GTF3C1: variants seen among roughly 807,000 people sequenced by gnomAD.
GTF3C1 encodes general transcription factor 3C polypeptide 1.
Under a neutral mutation model 226.7 loss-of-function variants are expected in GTF3C1, and 57 were observed. The ratio of observed to expected loss-of-function variants is 0.25; its 90% CI spans 0.20 to 0.31. The LOEUF (loss-of-function observed/expected upper bound fraction) is 0.31. GTF3C1 is among the 10% of genes least tolerant of loss of function. The pLI, the probability that GTF3C1 is intolerant of heterozygous loss-of-function variation, is 1.00. For synonymous variants in GTF3C1, 1,090 were observed against 1,084.8 expected (o/e 1.00, Z -0.09); for missense variants, 2,217 against 2,776.1 (o/e 0.80, Z 4.53).
intron 24 of GTF3C1, 62 bp from the exon 25 acceptor site, chr16:27,484,415 T>C (rs1182590003): frequency 1.6e-6 from 2 of 1,229,398 alleles, no homozygotes; most frequent in Non-Finnish European, 2.4e-6. Flanking sequence ...TCATGGGGAA[T>C]TACCATAAAA....
intron 4 of GTF3C1, among the ~76,000 whole-genome samples, chr16:27,536,921 G>A (rs961543213): frequency 5.3e-5 from 8 of 152,200 alleles, no homozygotes; most frequent in African/African-American, 1.7e-4. Context: ...CCCTCATTCC[G>A]ATGCCAGGTA....
Position 27,464,603 on chromosome 16 carries a change from G to C in GTF3C1, c.5589C>G (p.Arg1863=). The change falls in exon 34 of 37, where the codon CGC becomes CGG. Residue 1863 remains arginine (R), a synonymous_variant. Coordinates refer to ENST00000356183, the MANE Select transcript of GTF3C1 (RefSeq NM_001520.4). The part of the protein sequence containing the change: ...PSHSPRGTKR[R]ASWASENGET... Reference sequence around the variant, plus strand: ...CCCCATTCTCACTGGCCCAGCTGGCGCGCCTCTTGGTGCCCCGGGGGCTGT... The same window carrying C: ...CCCCATTCTCACTGGCCCAGCTGGCCCGCCTCTTGGTGCCCCGGGGGCTGT... The C allele has an allele frequency of 6.7e-7, 1 of 1,494,644 alleles. No individual in the cohort carries two copies. The highest frequency in any genetic ancestry group is 8.9e-7 in the Non-Finnish European group (1 of 1,121,854). 92.6% of individuals were successfully genotyped at this position (1,494,644 alleles called of 1,614,324 possible).
intron 5 of GTF3C1, among the ~76,000 whole-genome samples, chr16:27,531,162 C>G (rs1417332079): frequency 6.6e-5 from 10 of 151,926 alleles, no homozygotes; most frequent in Admixed American, 6.6e-4. Flanking sequence ...CATTTCTACA[C>G]GGCCAGCAGC....
rs192803673 is a variant in GTF3C1, at chr16:27,533,095, G to A, written c.849+196C>T. On this transcript the variant is annotated intron_variant, in intron 5 of 36. Coordinates refer to ENST00000356183, the MANE Select transcript of GTF3C1 (RefSeq NM_001520.4). ...CGAAGTGAGCCACTGTCGCACCACC[G>A]CACCCCAGCCAGGGCAACAGAGCAA... 1.5e-3 allele frequency among the ~76,000 whole-genome samples: 222 copies of A among 152,226 alleles called. 1 individual carries two copies. The highest frequency in any genetic ancestry group is 5.0e-3 in the African/African-American group (207 of 41,522).
chr16:27,470,314 C>T lies in GTF3C1; in HGVS notation c.4608G>A (p.Leu1536=). The T allele has an allele frequency of 6.2e-7, 1 of 1,613,730 alleles. No homozygotes were observed. Among genetic ancestry groups the T allele is most frequent in the Non-Finnish European group, 8.5e-7 (1 of 1,179,628 alleles). The change falls in exon 31 of 37, where the codon TTG becomes TTA. Residue 1536 remains leucine (L), a synonymous_variant. Transcript: ENST00000356183. The surrounding 1 kb of genome is among the most constrained non-coding windows in gnomAD (Gnocchi z 4.9). Reference sequence around the variant, plus strand: ...TGAAAGAGAAACGATCAGGCTGGTCCAACTTGCCGGCAGCCCGCATTCTGT... The same window carrying T: ...TGAAAGAGAAACGATCAGGCTGGTCTAACTTGCCGGCAGCCCGCATTCTGT... ...FLDRMRAAGK[L]DQPDRFSFKD...
intron 19 of GTF3C1, among the ~76,000 whole-genome samples, chr16:27,491,035 T>A (rs1047847153): frequency 6.6e-6 from 1 of 152,206 alleles, no homozygotes. Context: ...AATTAGGGCA[T>A]TATTAAAATC....
chr16:27,502,240 C>T (rs761478711), intron 11 of GTF3C1, among the ~76,000 whole-genome samples: 2 of 152,174 alleles, frequency 1.3e-5, no homozygotes, highest in African/African-American at 2.4e-5. Context: ...TCGTTAGACA[C>T]GGAGTATGAG....
At chr16:27,488,081 T>C in intron 23 of GTF3C1, 146 bp downstream of exon 23, 1 of 670,000 alleles carries the variant, frequency 1.5e-6, no homozygotes, top group South Asian at 2.0e-5. Context: ...AAAGCAACCA[T>C]CATAGAGAGT....
In GTF3C1 at chr16:27,470,618, CCT is replaced by C; in HGVS notation, c.4527-225_4527-224del. On this transcript the variant is annotated intron_variant, in intron 30 of 36. Transcript: ENST00000356183. The surrounding 1 kb of genome is among the most constrained non-coding windows in gnomAD (Gnocchi z 4.9). ...TGCCTGAGTACCTTCCGGGCAGAGT[CCT>C]GTCTCCTCATCTAATTCAATGTGGC... 5.5e-6 allele frequency: 3 copies of C among 546,330 alleles called. No individual in the cohort carries two copies. Among genetic ancestry groups the C allele is most frequent in the South Asian group, 4.2e-5 (2 of 47,432 alleles). The allele number at this position is 546,330 out of a possible 1,614,324, so 33.8% of individuals were successfully genotyped here.
Position 27,492,360 on chromosome 16 carries a change from G to A in GTF3C1, c.3129C>T (p.Cys1043=), listed in dbSNP as rs750867641. ...CACCTAGTGGGGTGTTGAGGCAGAC[G>A]CACTGCAGGTCAAACCAGTAGTTTT... ...DVENYWFDLQ[C]VCLNTPLGVV... The change falls in exon 19 of 37, where the codon TGC becomes TGT. Residue 1043 remains cysteine, a synonymous_variant. Coordinates refer to ENST00000356183, the MANE Select transcript of GTF3C1 (RefSeq NM_001520.4). The surrounding 1 kb of genome is among the most constrained non-coding windows in gnomAD (Gnocchi z 5.0). The A allele has an allele frequency of 6.2e-6, 10 of 1,602,698 alleles. No homozygotes were observed. Among genetic ancestry groups the A allele is most frequent in the South Asian group, 3.3e-5 (3 of 90,518 alleles).
intron 27 of GTF3C1, 105 bp from the exon 28 acceptor site, chr16:27,478,636 G>C (rs990866098): frequency 2.4e-6 from 2 of 821,010 alleles, no homozygotes; most frequent in African/African-American, 3.3e-5. Flanking sequence ...TGTTGGGAGT[G>C]GGAGAAATGT....
chr16:27,470,111 T>C lies in GTF3C1; in HGVS notation c.4811A>G (p.Lys1604Arg). The C allele has an allele frequency of 1.2e-6, 2 of 1,612,216 alleles. No individual in the cohort carries two copies. The highest frequency in any genetic ancestry group is 8.5e-7 in the Non-Finnish European group (1 of 1,178,692). ...DSSMVENEVI[K>R]SLGKDGSLED... ...GCTGCGGATGCCGGACTCTTACCTTTTGATGACCTCATTCTCCACCATTGA... is the reference window on the plus strand; with the variant it reads ...GCTGCGGATGCCGGACTCTTACCTTCTGATGACCTCATTCTCCACCATTGA... The change falls in exon 31 of 37, where the codon AAA becomes AGA. Residue 1604 changes from lysine (K) to arginine (R), a missense_variant. Transcript: ENST00000356183. This position sits in a 1 kb window ranked among gnomAD's most constrained non-coding sequence, Gnocchi z 4.9.
chr16:27,469,315 C>T lies in GTF3C1; in HGVS notation c.5050G>A (p.Val1684Met), dbSNP rs558755429. 6.3e-6 allele frequency: 10 copies of T among 1,575,812 alleles called. No homozygotes were observed. Among genetic ancestry groups the T allele is most frequent in the Non-Finnish European group, 8.6e-6 (10 of 1,159,910 alleles). Residue 1684 changes from valine to methionine, a missense_variant, in exon 32 of 37, where the codon GTG becomes ATG. Around this residue, in one of 12 missense-constraint regions of GTF3C1, gnomAD observed 455 missense variants for 441.9 expected, o/e 1.03. Transcript: ENST00000356183. This position sits in a 1 kb window ranked among gnomAD's most constrained non-coding sequence, Gnocchi z 4.5. ...QMKFQLRCTP[V>M]PARLRPAAAP... ...CCAGCGGGCCTGAGCCGGGCGGGCA[C>T]AGGGGTGCAGCGGAGCTGGAACTTC...
intron 1 of GTF3C1, among the ~76,000 whole-genome samples, chr16:27,547,172 C>T (rs1011057720): frequency 6.6e-6 from 1 of 152,118 alleles, no homozygotes; most frequent in African/African-American, 2.4e-5. Context: ...TCCATCCAGC[C>T]TTGAAATGTA....
At chr16:27,481,337 T>TC in intron 26 of GTF3C1, 146 bp from the exon 27 acceptor site, 1 of 668,268 alleles carries the variant, frequency 1.5e-6, no homozygotes, top group South Asian at 1.8e-5. Flanking sequence ...TGGTCACCTG[T>TC]CATCTGTCAC....
intron 2 of GTF3C1, among the ~76,000 whole-genome samples, chr16:27,544,539 G>A (rs932898577): frequency 1.3e-5 from 2 of 151,934 alleles, no homozygotes; most frequent in South Asian, 2.1e-4. Context: ...CACCTCCTCC[G>A]AGATGAGAGT....
intron 27 of GTF3C1, 132 bp from the exon 28 acceptor site, chr16:27,478,663 C>T (rs970087713): frequency 5.9e-5 from 44 of 746,102 alleles, no homozygotes; most frequent in Non-Finnish European, 9.2e-5. Context: ...CACCAAATGT[C>T]GAGTGCTGTG....
At position 27,544,974 on chromosome 16, in the gene GTF3C1, C is replaced by CT. The variant is rs5816438; in HGVS notation, c.431+339dup. ...CAGATTCCCAGGAATTTCTTTTTTC[C>CT]TTTTTTTTTTTTTTTGTAGACAGGG... is the stretch of plus-strand genomic sequence containing the variant. On this transcript the variant is annotated intron_variant, in intron 2 of 36. Coordinates refer to ENST00000356183, the MANE Select transcript of GTF3C1 (RefSeq NM_001520.4). Among the ~76,000 whole-genome samples, 542 of 130,310 alleles carry CT rather than the reference C, an allele frequency of 4.2e-3. 2 individuals carry two copies. The highest frequency in any genetic ancestry group is 6.7e-3 in the Non-Finnish European group (400 of 59,736). The allele number at this position is 130,310 out of a possible 152,430, so 85.5% of individuals were successfully genotyped here. A position where few individuals can be genotyped will look rare whatever the true frequency, so the allele number is the denominator to read the frequency against.
intron 2 of GTF3C1, among the ~76,000 whole-genome samples, chr16:27,544,974 CTTTT>C (rs5816438): frequency 1.5e-5 from 2 of 130,312 alleles, no homozygotes; most frequent in Non-Finnish European, 1.7e-5. Flanking sequence ...TTCTTTTTTC[CTTTT>C]TTTTTTTTTT....
Sources: gnomAD v4.1 joint callset for allele counts (sites outside exome capture counted in the v4.1 genomes callset) on GRCh38, gnomAD v4.1.1 for gene constraint, gnomAD v4.1.1 regional missense constraint, Gnocchi (gnomAD v3.1) non-coding constraint, MANE v1.5 for transcripts, NCBI Gene and HGNC (gene_info 2026-07-23, HGNC 2026-07-21) for gene names.